Variants in PTPRR observed in about 807,000 individuals in gnomAD.
PTPRR encodes the protein protein tyrosine phosphatase receptor type R.
In PTPRR, 38 loss-of-function variants were observed where a neutral mutation model predicts 77.2. The observed-to-expected ratio is 0.49, with a 90% CI of 0.38 to 0.65. The LOEUF (loss-of-function observed/expected upper bound fraction) is 0.65, where lower values mean the gene tolerates loss of function less well. Among genes scored for constraint, PTPRR ranks in the 30% least tolerant of loss-of-function variants. The pLI, the probability that PTPRR is intolerant of heterozygous loss-of-function variation, is 0.00. For synonymous variants in PTPRR, 299 were observed against 283.1 expected, an observed-to-expected ratio of 1.06 and a Z score of -0.57; for missense variants, 744 against 799.2, an observed-to-expected ratio of 0.93 and a Z score of 0.83.
intron 2 of PTPRR, among the ~76,000 whole-genome samples, chr12:70,807,899 A>G (rs1004244463): frequency 6.6e-6 from 1 of 152,176 alleles, no homozygotes; most frequent in Admixed American, 6.5e-5. Context: ...GCACCTTAAG[A>G]AGAGGATAAC....
At chr12:70,642,866 A>G (rs1886057640) in intron 13 of PTPRR, among the ~76,000 whole-genome samples, 1 of 152,186 alleles carries the variant, frequency 6.6e-6, no homozygotes, top group South Asian at 2.1e-4. Flanking sequence ...AGAATAGTCT[A>G]TTGGCTGGAT....
intron 2 of PTPRR, among the ~76,000 whole-genome samples, chr12:70,826,354 C>T (rs1009121860): frequency 8.3e-4 from 126 of 152,322 alleles, no homozygotes; most frequent in African/African-American, 2.7e-3. Flanking sequence ...GGCATTTACA[C>T]CCATCTCATT....
rs563260509 is a variant in PTPRR, at chr12:70,865,306, C to A, written c.357+27373G>T. ...GTCTCAGGTGTATCTTTATCAGCAG[C>A]ATGCAAACAGACTAATACAGATGAA... On this transcript the variant is annotated intron_variant, in intron 2 of 13. Coordinates refer to ENST00000283228, the MANE Select transcript of PTPRR (RefSeq NM_002849.4). Among the ~76,000 whole-genome samples the A allele has an allele frequency of 3.5e-4, 34 of 97,738 alleles. No homozygotes were observed. The South Asian group carries it at 9.5e-3, about 27-fold the overall frequency. 64.1% of individuals were successfully genotyped at this position (97,738 alleles called of 152,430 possible).
chr12:70,845,999 CAAAAT>C (rs1892477606), intron 2 of PTPRR, among the ~76,000 whole-genome samples: 1 of 151,758 alleles, frequency 6.6e-6, no homozygotes, highest in Admixed American at 6.6e-5. Flanking sequence ...TGAAAAATAA[CAAAAT>C]GAAATAAAAT....
intron 2 of PTPRR, among the ~76,000 whole-genome samples, chr12:70,784,315 G>T (rs1288825416): frequency 6.6e-6 from 1 of 152,222 alleles, no homozygotes; most frequent in African/African-American, 2.4e-5. Context: ...GCTTATCCCA[G>T]TTCCGCAGGC....
chr12:70,915,006 A>G (rs1893754899), intron 1 of PTPRR, among the ~76,000 whole-genome samples: 2 of 152,192 alleles, frequency 1.3e-5, no homozygotes, highest in Admixed American at 1.3e-4. Flanking sequence ...GATTGTATAC[A>G]GAGAAAAATA....
chr12:70,684,779 G>T lies in PTPRR; in HGVS notation c.1284C>A (p.Pro428=). ...TTGGTCTTAAACACACTCTGCTGAGGGGATCTAATGAAGAAAACAAAAAAG... is the reference window on the plus strand; with the variant it reads ...TTGGTCTTAAACACACTCTGCTGAGTGGATCTAATGAAGAAAACAAAAAAG... The part of the protein sequence containing the change: ...KNRYKTILPN[P]LSRVCLRPKN... Residue 428 remains proline (P), a synonymous_variant, in exon 9 of 14, where the codon CCC becomes CCA. Transcript: ENST00000283228. 1 of 1,594,938 alleles carries T rather than the reference G, an allele frequency of 6.3e-7. No homozygotes were observed. The highest frequency in any genetic ancestry group is 1.7e-4 in the Middle Eastern group (1 of 5,978).
chr12:70,855,252 C>G (rs1037871663), intron 2 of PTPRR, among the ~76,000 whole-genome samples: 1 of 152,068 alleles, frequency 6.6e-6, no homozygotes, highest in Non-Finnish European at 1.5e-5. Flanking sequence ...GTTTTACATC[C>G]AAGAAGACGG....
intron 1 of PTPRR, among the ~76,000 whole-genome samples, chr12:70,916,825 T>A (rs1431683474): frequency 2.6e-5 from 4 of 152,194 alleles, no homozygotes; most frequent in Non-Finnish European, 5.9e-5. Flanking sequence ...AGAGATAGTT[T>A]CAGGAGATAC....
intron 5 of PTPRR, among the ~76,000 whole-genome samples, chr12:70,753,029 A>AT (rs892516947): frequency 1.1e-4 from 17 of 151,000 alleles, no homozygotes; most frequent in Non-Finnish European, 1.6e-4. Flanking sequence ...ATTCTTAGAA[A>AT]TTTTTTTTTT....
At chr12:70,651,283 C>G (rs866498623) in intron 13 of PTPRR, among the ~76,000 whole-genome samples, 19 of 152,334 alleles carry the variant, frequency 1.2e-4, no homozygotes, top group African/African-American at 4.6e-4. Context: ...AAGAACAGAT[C>G]ACTTCGTTTA....
chr12:70,732,696 G>A (rs1889704319), intron 6 of PTPRR, among the ~76,000 whole-genome samples: 1 of 151,988 alleles, frequency 6.6e-6, no homozygotes, highest in Admixed American at 6.6e-5. Context: ...AAGTAGCTGG[G>A]ATTACAGGCG....
In PTPRR at chr12:70,656,691, C is replaced by G; in HGVS notation, c.1880+13G>C. 6.3e-7 allele frequency: 1 copy of G among 1,584,662 alleles called. No homozygotes were observed. Among genetic ancestry groups the G allele is most frequent in the East Asian group, 2.2e-5 (1 of 44,742 alleles). The stretch of plus-strand genomic sequence containing the variant: ...AAAACAGTGCTCTGAAGGCAAGCCT[C>G]TGTGACACTCACCTATCCATACGAA... On this transcript the variant is annotated intron_variant, in intron 13 of 13. Transcript: ENST00000283228.
intron 2 of PTPRR, among the ~76,000 whole-genome samples, chr12:70,860,333 C>G (rs1325934844): frequency 6.6e-6 from 1 of 152,040 alleles, no homozygotes; most frequent in East Asian, 1.9e-4. Flanking sequence ...AAATGAAATT[C>G]TGTGTGACAT....
chr12:70,832,097 A>G (rs1444418076), intron 2 of PTPRR, among the ~76,000 whole-genome samples: 2 of 152,264 alleles, frequency 1.3e-5, no homozygotes, highest in Non-Finnish European at 2.9e-5. Context: ...CCTGATCACT[A>G]AAGCAGCACT....
chr12:70,727,966 G>A (rs1360359485), intron 6 of PTPRR, among the ~76,000 whole-genome samples: 1 of 152,146 alleles, frequency 6.6e-6, no homozygotes, highest in Non-Finnish European at 1.5e-5. Flanking sequence ...CAAAACAAGT[G>A]CATGCAGAGC....
chr12:70,913,525 C>T (rs754087918), intron 1 of PTPRR, among the ~76,000 whole-genome samples: 1 of 151,984 alleles, frequency 6.6e-6, no homozygotes, highest in Non-Finnish European at 1.5e-5. Flanking sequence ...TTATCTAACT[C>T]TTTGAGCTCT....
chr12:70,871,726 G>T (rs1892962159), intron 2 of PTPRR, among the ~76,000 whole-genome samples: 1 of 152,140 alleles, frequency 6.6e-6, no homozygotes, highest in African/African-American at 2.4e-5. Context: ...GTTATTATTT[G>T]TCAGTTAAGA....
Position 70,828,726 on chromosome 12 carries a change from C to T in PTPRR, c.358-63948G>A, listed in dbSNP as rs375633449. Among the ~76,000 whole-genome samples, 15 of 152,272 alleles carry T rather than the reference C, an allele frequency of 9.9e-5. No individual in the cohort carries two copies. In the East Asian group the frequency reaches 1.5e-3, roughly 16 times the overall value. ...TCTGAATGTATTCGAACTCTGATTC[C>T]TCTATGTCTGCCAACAAATGCAAAG... On this transcript the variant is annotated intron_variant, in intron 2 of 13. Transcript: ENST00000283228.
Sources: gnomAD v4.1 joint callset for allele counts (sites outside exome capture counted in the v4.1 genomes callset) on GRCh38, gnomAD v4.1.1 for gene constraint, MANE v1.5 for transcripts, NCBI Gene and HGNC (gene_info 2026-07-23, HGNC 2026-07-21) for gene names.